The following MAML2 variants were observed in gnomAD, a reference collection of about 807,000 sequenced individuals.
MAML2 encodes mastermind-like protein 2.
MAML2 carries 22 observed loss-of-function variants against 96.1 expected under a neutral mutation model. That is an observed-to-expected ratio of 0.23 (90% CI 0.16 to 0.33). MAML2 has a LOEUF of 0.33. Among genes scored for constraint, MAML2 ranks in the 10% least tolerant of loss-of-function variants. The pLI is 1.00. For missense variants in MAML2, 1,367 were observed against 1,392.4 expected (o/e 0.98, Z 0.29); for synonymous variants, 561 against 521.3 (o/e 1.08, Z -1.04).
intron 1 of MAML2, among the ~76,000 whole-genome samples, chr11:96,120,152 T>C (rs1306101438): frequency 7.2e-5 from 11 of 152,002 alleles, no homozygotes; most frequent in African/African-American, 2.7e-4. Flanking sequence ...AGAGACAGGG[T>C]TTTGCCGTGT....
At chr11:96,271,672 T>C (rs567160976) in intron 1 of MAML2, among the ~76,000 whole-genome samples, 2 of 152,286 alleles carry the variant, frequency 1.3e-5, no homozygotes, top group South Asian at 2.1e-4. Flanking sequence ...CCCACCATGA[T>C]TGTAAGTTCC....
intron 1 of MAML2, among the ~76,000 whole-genome samples, chr11:96,208,066 T>A (rs552147689): frequency 1.7e-3 from 256 of 152,312 alleles, no homozygotes; most frequent in Non-Finnish European, 2.7e-3. Flanking sequence ...CAGGCCACAT[T>A]TTTTGCTGCA....
chr11:96,328,932 G>C (rs1025645631), intron 1 of MAML2, among the ~76,000 whole-genome samples: 1 of 151,928 alleles, frequency 6.6e-6, no homozygotes, highest in Admixed American at 6.6e-5. Context: ...AAAATGAAGT[G>C]GTGACACATA....
At chr11:96,177,231 G>A (rs1190940714) in intron 1 of MAML2, among the ~76,000 whole-genome samples, 1 of 152,156 alleles carries the variant, frequency 6.6e-6, no homozygotes, top group Non-Finnish European at 1.5e-5. Flanking sequence ...ACTGGCAGGA[G>A]GCCCTTTGAG....
At chr11:96,089,891 A>G (rs1165687793) in intron 2 of MAML2, among the ~76,000 whole-genome samples, 1 of 151,874 alleles carries the variant, frequency 6.6e-6, no homozygotes, top group African/African-American at 2.4e-5. Flanking sequence ...TGTATCATAT[A>G]TGTCATATGC....
At chr11:95,987,417 G>T (rs1020368016) in intron 3 of MAML2, among the ~76,000 whole-genome samples, 5 of 152,118 alleles carry the variant, frequency 3.3e-5, no homozygotes, top group African/African-American at 1.2e-4. Flanking sequence ...ATGGATCAGG[G>T]AGTTTTTAGA....
At chr11:96,259,707 T>C (rs952117865) in intron 1 of MAML2, among the ~76,000 whole-genome samples, 2 of 152,186 alleles carry the variant, frequency 1.3e-5, no homozygotes, top group African/African-American at 4.8e-5. Flanking sequence ...GAGAGAGTCA[T>C]CTCGATGTGG....
intron 2 of MAML2, among the ~76,000 whole-genome samples, chr11:96,028,016 A>G (rs1003362833): frequency 2.6e-5 from 4 of 152,132 alleles, no homozygotes; most frequent in Non-Finnish European, 1.5e-5. Flanking sequence ...ATGGGCATGA[A>G]CCACAGCACC....
At chr11:96,026,627 G>T (rs923897240) in intron 2 of MAML2, among the ~76,000 whole-genome samples, 1 of 151,906 alleles carries the variant, frequency 6.6e-6, no homozygotes, top group African/African-American at 2.4e-5. Flanking sequence ...CCTTTTCAAG[G>T]TGATCAAAAG....
At chr11:96,108,595 A>G (rs1860065170) in intron 1 of MAML2, among the ~76,000 whole-genome samples, 1 of 152,208 alleles carries the variant, frequency 6.6e-6, no homozygotes, top group South Asian at 2.1e-4. Context: ...AGATTAAATA[A>G]ATACACGTAG....
intron 2 of MAML2, among the ~76,000 whole-genome samples, chr11:96,031,088 T>C (rs1858607054): frequency 6.6e-6 from 1 of 152,158 alleles, no homozygotes; most frequent in Non-Finnish European, 1.5e-5. Context: ...TTGGGAACAA[T>C]AGTAGCACGT....
chr11:95,996,351 A>G (rs1857990495), intron 2 of MAML2, among the ~76,000 whole-genome samples: 1 of 152,180 alleles, frequency 6.6e-6, no homozygotes, highest in African/African-American at 2.4e-5. Flanking sequence ...AAAGATCTGC[A>G]TGCCAGGAAA....
chr11:96,202,329 T>G, intron 1 of MAML2, among the ~76,000 whole-genome samples: 1 of 138,196 alleles, frequency 7.2e-6, no homozygotes, highest in Admixed American at 7.7e-5. Flanking sequence ...CCAGCCTGGG[T>G]GACAGAGCAA....
chr11:96,302,831 A>G (rs780521506), intron 1 of MAML2, among the ~76,000 whole-genome samples: 4 of 152,202 alleles, frequency 2.6e-5, no homozygotes, highest in Non-Finnish European at 4.4e-5. Flanking sequence ...CAGATGTACT[A>G]CGCTCCAGGT....
chr11:96,158,678 A>G (rs1861050290), intron 1 of MAML2, among the ~76,000 whole-genome samples: 1 of 152,202 alleles, frequency 6.6e-6, no homozygotes, highest in Non-Finnish European at 1.5e-5. Flanking sequence ...TGAGACTACC[A>G]TGTGGAGAAC....
chr11:96,250,671 T>C (rs531400706), intron 1 of MAML2, among the ~76,000 whole-genome samples: 1 of 152,342 alleles, frequency 6.6e-6, no homozygotes, highest in South Asian at 2.1e-4. Flanking sequence ...TACTATCACC[T>C]TCTCTTCTGT....
chr11:96,028,545 G>A (rs1311833785), intron 2 of MAML2, among the ~76,000 whole-genome samples: 1 of 152,156 alleles, frequency 6.6e-6, no homozygotes, highest in African/African-American at 2.4e-5. Flanking sequence ...GCCTATGACT[G>A]TCTTTTCACT....
chr11:96,206,841 A>C (rs1473840624), intron 1 of MAML2, among the ~76,000 whole-genome samples: 1 of 152,192 alleles, frequency 6.6e-6, no homozygotes, highest in African/African-American at 2.4e-5. Context: ...ATTTCTGGAA[A>C]AATAGAGGTA....
chr11:96,055,882 A>G (rs1859058648), intron 2 of MAML2, among the ~76,000 whole-genome samples: 2 of 152,378 alleles, frequency 1.3e-5, no homozygotes, highest in East Asian at 1.9e-4. Flanking sequence ...TCATCTTTCT[A>G]CAAGAAGCTG....
Sources: gnomAD v4.1 joint callset for allele counts (sites outside exome capture counted in the v4.1 genomes callset) on GRCh38, gnomAD v4.1.1 for gene constraint, MANE v1.5 for transcripts, NCBI Gene and HGNC (gene_info 2026-07-23, HGNC 2026-07-21) for gene names.